TMEFF2: variants seen among roughly 807,000 people sequenced by gnomAD.
The protein encoded by TMEFF2 is tomoregulin-2.
A neutral mutation model predicts 53.8 loss-of-function variants in TMEFF2; 28 were observed. That is an observed-to-expected ratio of 0.52 (90% CI 0.39 to 0.71). TMEFF2 has a LOEUF of 0.71. TMEFF2 is among the 30% of genes least tolerant of loss of function. TMEFF2 has a pLI of 0.00. For missense variants in TMEFF2, 353 were observed against 455.2 expected, an observed-to-expected ratio of 0.78 and a Z score of 2.04; for synonymous variants, 162 against 166.3, an observed-to-expected ratio of 0.97 and a Z score of 0.20.
chr2:191,989,883 A>T (rs1244790133), intron 7 of TMEFF2, among the ~76,000 whole-genome samples: 1 of 152,078 alleles, frequency 6.6e-6, no homozygotes, highest in Non-Finnish European at 1.5e-5. Context: ...TGCTTCAATG[A>T]AATTCTCACC....
intron 4 of TMEFF2, among the ~76,000 whole-genome samples, chr2:192,093,499 C>T (rs1014144966): frequency 2.7e-4 from 41 of 152,096 alleles, no homozygotes; most frequent in Non-Finnish European, 5.4e-4. Flanking sequence ...ATTTTTAAAA[C>T]GTAGCCATAA....
intron 4 of TMEFF2, among the ~76,000 whole-genome samples, chr2:192,149,912 T>C (rs1426611227): frequency 1.3e-5 from 2 of 151,976 alleles, no homozygotes; most frequent in Non-Finnish European, 2.9e-5. Context: ...CTTTCAACTA[T>C]AATAATTTAA....
At chr2:192,186,759 T>A (rs1440381532) in intron 2 of TMEFF2, among the ~76,000 whole-genome samples, 1 of 152,186 alleles carries the variant, frequency 6.6e-6, no homozygotes, top group Non-Finnish European at 1.5e-5. Context: ...GTCCGTGTTT[T>A]CTTCTCTCCG....
intron 4 of TMEFF2, among the ~76,000 whole-genome samples, chr2:192,166,851 C>A (rs1574429603): frequency 1.3e-5 from 2 of 152,038 alleles, no homozygotes; most frequent in Admixed American, 6.6e-5. Context: ...ACGTTTCAAA[C>A]AAAATTTAGC....
In TMEFF2 at chr2:191,950,251, T is replaced by G; in HGVS notation, c.*60A>C. 6.9e-7 allele frequency: 1 copy of G among 1,454,874 alleles called. No individual in the cohort carries two copies. The highest frequency in any genetic ancestry group is 9.1e-7 in the Non-Finnish European group (1 of 1,099,448). The allele number at this position is 1,454,874 out of a possible 1,614,324, so 90.1% of individuals were successfully genotyped here. ...ATCTCTTGTCTTATTCTTTTGTCTATAATACTGTATTGTGTAGTCCAAGCT... is the reference window on the plus strand; with the variant it reads ...ATCTCTTGTCTTATTCTTTTGTCTAGAATACTGTATTGTGTAGTCCAAGCT... On this transcript the variant is annotated 3_prime_UTR_variant, in exon 10 of 10. Coordinates refer to ENST00000272771, the MANE Select transcript of TMEFF2 (RefSeq NM_016192.4).
At chr2:192,123,921 T>C (rs1017664425) in intron 4 of TMEFF2, among the ~76,000 whole-genome samples, 2 of 152,180 alleles carry the variant, frequency 1.3e-5, no homozygotes, top group African/African-American at 4.8e-5. Context: ...AATAAGAAAA[T>C]GTTTGAATTT....
At chr2:192,023,555 C>T (rs1174652280) in intron 5 of TMEFF2, among the ~76,000 whole-genome samples, 1 of 152,102 alleles carries the variant, frequency 6.6e-6, no homozygotes, top group African/African-American at 2.4e-5. Context: ...TCAAAATAGG[C>T]TGGAGGTAGG....
chr2:192,102,465 C>T (rs1188393120), intron 4 of TMEFF2, among the ~76,000 whole-genome samples: 2 of 152,094 alleles, frequency 1.3e-5, no homozygotes, highest in African/African-American at 2.4e-5. Flanking sequence ...CTCTGCTCCC[C>T]TACTCTAGCC....
intron 4 of TMEFF2, among the ~76,000 whole-genome samples, chr2:192,131,038 C>A (rs1414724324): frequency 6.6e-6 from 1 of 151,864 alleles, no homozygotes; most frequent in Non-Finnish European, 1.5e-5. Context: ...GCAGCAAGTC[C>A]CGCTTTTCTG....
intron 2 of TMEFF2, among the ~76,000 whole-genome samples, chr2:192,188,437 C>G (rs148282275): frequency 5.3e-5 from 8 of 152,286 alleles, no homozygotes; most frequent in Middle Eastern, 3.4e-3. Context: ...ACCCTCAGAT[C>G]GGTATAGCAC....
intron 7 of TMEFF2, among the ~76,000 whole-genome samples, chr2:191,981,525 C>T (rs144605280): frequency 8.5e-5 from 13 of 152,206 alleles, no homozygotes; most frequent in Admixed American, 2.0e-4. Context: ...GATGAGATAG[C>T]GTGTTGTATA....
rs10635775 is a variant in TMEFF2, at chr2:192,102,626, C to CTTT, written c.440-44854_440-44852dup. 3.0e-3 allele frequency among the ~76,000 whole-genome samples: 329 copies of CTTT among 109,776 alleles called. 5 individuals carry two copies. Among genetic ancestry groups the CTTT allele is most frequent in the Non-Finnish European group, 3.4e-3 (198 of 58,320 alleles). The allele number at this position is 109,776 out of a possible 152,430, so 72.0% of individuals were successfully genotyped here. A position where few individuals can be genotyped will look rare whatever the true frequency, so the allele number is the denominator to read the frequency against. On this transcript the variant is annotated intron_variant, in intron 4 of 9. Transcript: ENST00000272771. ...TCAATAATTTCTTTCTTTTCTTGTT[C>CTTT]TTTTTTTTTTTTTTTTTTTTGAGAT...
At chr2:192,006,723 G>A (rs1261062068) in intron 5 of TMEFF2, among the ~76,000 whole-genome samples, 2 of 152,050 alleles carry the variant, frequency 1.3e-5, no homozygotes, top group Non-Finnish European at 2.9e-5. Context: ...TTCAAATCCT[G>A]GATTTCAAAT....
intron 3 of TMEFF2, among the ~76,000 whole-genome samples, chr2:192,183,894 G>T (rs929976471): frequency 1.3e-5 from 2 of 152,082 alleles, no homozygotes; most frequent in African/African-American, 4.8e-5. Context: ...ATAGTAAGAA[G>T]ACCATTTTGT....
At chr2:192,193,956 T>A (rs1691537730) in intron 1 of TMEFF2, among the ~76,000 whole-genome samples, 1 of 152,198 alleles carries the variant, frequency 6.6e-6, no homozygotes, top group African/African-American at 2.4e-5. Flanking sequence ...TTCTTTCTCA[T>A]AAAGTTATTT....
At chr2:192,032,184 A>G (rs769040598) in intron 5 of TMEFF2, among the ~76,000 whole-genome samples, 30 of 152,218 alleles carry the variant, frequency 2.0e-4, no homozygotes, top group Admixed American at 1.3e-4. Flanking sequence ...TTGAAGTTAC[A>G]TGACTTAGAA....
At chr2:192,003,165 A>G (rs1686409820) in intron 5 of TMEFF2, among the ~76,000 whole-genome samples, 1 of 152,200 alleles carries the variant, frequency 6.6e-6, no homozygotes, top group South Asian at 2.1e-4. Flanking sequence ...GAAATGAATG[A>G]ATACACTAAC....
chr2:192,136,142 G>A (rs1690002786), intron 4 of TMEFF2, among the ~76,000 whole-genome samples: 2 of 152,058 alleles, frequency 1.3e-5, no homozygotes, highest in African/African-American at 4.8e-5. Context: ...AAAATAAATA[G>A]TAATCTACTA....
At position 191,993,113 on chromosome 2, in the gene TMEFF2, G is replaced by GAGAC. The variant is rs1162872146; in HGVS notation, c.745+5145_745+5148dup. 2.6e-5 allele frequency among the ~76,000 whole-genome samples: 4 copies of GAGAC among 152,126 alleles called. No individual in the cohort carries two copies. In the East Asian group the frequency reaches 7.7e-4, roughly 29 times the overall value. On this transcript the variant is annotated intron_variant, in intron 7 of 9. Transcript: ENST00000272771. ...CACATGTTTGTTGTGAAGACTGAAG[G>GAGAC]AGACAGTATATATGAAAAGGCTTTG... is the stretch of plus-strand genomic sequence containing the variant.
Sources: allele counts gnomAD v4.1 joint callset (sites outside exome capture counted in the v4.1 genomes callset), GRCh38; gene constraint gnomAD v4.1.1; transcripts MANE v1.5; gene names NCBI Gene and HGNC (gene_info 2026-07-23, HGNC 2026-07-21).